SLC24A2: variants seen among roughly 807,000 people sequenced by gnomAD.
The protein encoded by SLC24A2 is sodium/potassium/calcium exchanger 2.
SLC24A2 carries 36 observed loss-of-function variants against 62.0 expected under a neutral mutation model. The observed-to-expected ratio is 0.58, with a 90% CI of 0.44 to 0.77. The LOEUF (loss-of-function observed/expected upper bound fraction) is 0.77. SLC24A2 is among the 30% of genes least tolerant of loss of function. SLC24A2 has a pLI of 0.00. For missense variants in SLC24A2, 846 were observed against 817.9 expected, an observed-to-expected ratio of 1.03 and a Z score of -0.42; for synonymous variants, 358 against 294.0, an observed-to-expected ratio of 1.22 and a Z score of -2.23.
chr9:19,921,723 A>G, the SLC24A2 span, among the ~76,000 whole-genome samples: 1 of 152,084 alleles, frequency 6.6e-6, no homozygotes, highest in South Asian at 2.1e-4. Flanking sequence ...ATATTTGCCT[A>G]GAGAGAACAC....
At chr9:20,033,473 CCT>C in the SLC24A2 span, among the ~76,000 whole-genome samples, 34,399 of 151,974 alleles carry the variant, frequency 0.23, 5,181 homozygotes, top group East Asian at 0.62. Context: ...TTTGTGACTC[CCT>C]TTTACTTTTT....
intron 2 of SLC24A2, among the ~76,000 whole-genome samples, chr9:19,746,342 GCTGA>G (rs1179587626): frequency 1.3e-5 from 2 of 152,064 alleles, no homozygotes; most frequent in Non-Finnish European, 2.9e-5. Flanking sequence ...AATCAGCATT[GCTGA>G]CTTTTATTAT....
chr9:20,034,319 G>A, the SLC24A2 span, among the ~76,000 whole-genome samples: 1 of 152,124 alleles, frequency 6.6e-6, no homozygotes, highest in African/African-American at 2.4e-5. Context: ...AATAAAAGAT[G>A]CCTAAACTGA....
the SLC24A2 span, among the ~76,000 whole-genome samples, chr9:20,160,794 G>A: frequency 3.3e-5 from 5 of 149,884 alleles, no homozygotes; most frequent in African/African-American, 1.2e-4. Context: ...TAAACATCTT[G>A]AATAATACAA....
At chr9:20,303,494 G>A in the SLC24A2 span, among the ~76,000 whole-genome samples, 1 of 152,146 alleles carries the variant, frequency 6.6e-6, no homozygotes, top group East Asian at 1.9e-4. Context: ...GCAGAATGAA[G>A]TAATCTAGTT....
At chr9:19,896,692 G>A in the SLC24A2 span, among the ~76,000 whole-genome samples, 4 of 152,118 alleles carry the variant, frequency 2.6e-5, no homozygotes, top group African/African-American at 9.7e-5. Flanking sequence ...CTGACTCTCA[G>A]AGCCAATATC....
At chr9:20,259,697 G>C in the SLC24A2 span, among the ~76,000 whole-genome samples, 1 of 152,106 alleles carries the variant, frequency 6.6e-6, no homozygotes, top group African/African-American at 2.4e-5. Context: ...CCTCTGGAGA[G>C]AGACTTCAGA....
At chr9:19,759,071 G>C (rs902322653) in intron 2 of SLC24A2, among the ~76,000 whole-genome samples, 3 of 152,128 alleles carry the variant, frequency 2.0e-5, no homozygotes, top group Non-Finnish European at 2.9e-5. Flanking sequence ...GAGAAATAAA[G>C]TACAATTAGC....
the SLC24A2 span, among the ~76,000 whole-genome samples, chr9:19,853,106 G>C: frequency 6.8e-6 from 1 of 147,224 alleles, no homozygotes; most frequent in African/African-American, 2.7e-5. Context: ...TTAATAATTT[G>C]GCCCTCTACT....
chr9:19,841,248 A>G, the SLC24A2 span, among the ~76,000 whole-genome samples: 1 of 152,152 alleles, frequency 6.6e-6, no homozygotes, highest in Non-Finnish European at 1.5e-5. Context: ...ATATAACATT[A>G]TATGTCAATA....
At chr9:19,825,410 G>A in the SLC24A2 span, among the ~76,000 whole-genome samples, 2 of 152,130 alleles carry the variant, frequency 1.3e-5, no homozygotes, top group African/African-American at 4.8e-5. Flanking sequence ...CATTGAATGA[G>A]GAACTTATAT....
the SLC24A2 span, among the ~76,000 whole-genome samples, chr9:20,263,508 C>T: frequency 6.6e-6 from 1 of 152,146 alleles, no homozygotes; most frequent in Admixed American, 6.5e-5. Flanking sequence ...CTCGGCCCCC[C>T]AAAAGCGTTA....
At chr9:20,146,267 A>G in the SLC24A2 span, among the ~76,000 whole-genome samples, 2 of 152,108 alleles carry the variant, frequency 1.3e-5, no homozygotes, top group South Asian at 4.1e-4. Flanking sequence ...GAGAGTCTGG[A>G]AGGCAAATGT....
the SLC24A2 span, among the ~76,000 whole-genome samples, chr9:19,851,771 AAT>A: frequency 6.6e-6 from 1 of 152,206 alleles, no homozygotes; most frequent in Non-Finnish European, 1.5e-5. Context: ...TGCTATTGTG[AAT>A]AGTGTTGCAA....
chr9:19,962,376 G>C, the SLC24A2 span, among the ~76,000 whole-genome samples: 1 of 152,202 alleles, frequency 6.6e-6, no homozygotes, highest in Non-Finnish European at 1.5e-5. Flanking sequence ...GAACTTTAAA[G>C]TAGTTTTTTC....
the SLC24A2 span, among the ~76,000 whole-genome samples, chr9:20,212,064 T>C: frequency 6.7e-6 from 1 of 148,798 alleles, no homozygotes. Flanking sequence ...TGAACTTCCC[T>C]ATTACAAAAG....
At chr9:19,659,922 A>T (rs1227319458) in intron 2 of SLC24A2, among the ~76,000 whole-genome samples, 1 of 152,194 alleles carries the variant, frequency 6.6e-6, no homozygotes, top group Non-Finnish European at 1.5e-5. Context: ...TTACCATCAA[A>T]GCCTAAAACT....
At chr9:19,528,227 A>G (rs1443191031) in intron 8 of SLC24A2, 89 bp from the exon 9 acceptor site, 8 of 859,550 alleles carry the variant, frequency 9.3e-6, no homozygotes, top group Non-Finnish European at 1.5e-5. Context: ...CATTGTAGCA[A>G]TTTCTCTAGC....
chr9:19,732,430 A>T (rs978307259), intron 2 of SLC24A2, among the ~76,000 whole-genome samples: 2 of 152,016 alleles, frequency 1.3e-5, no homozygotes, highest in African/African-American at 4.8e-5. Context: ...AACCCATGCA[A>T]CTCCATCAGG....
Sources: gnomAD v4.1 joint callset for allele counts (sites outside exome capture counted in the v4.1 genomes callset) on GRCh38, gnomAD v4.1.1 for gene constraint, MANE v1.5 for transcripts, NCBI Gene and HGNC (gene_info 2026-07-23, HGNC 2026-07-21) for gene names.